Variants in CNTNAP2 observed in about 807,000 individuals in gnomAD.
The protein encoded by CNTNAP2 is contactin-associated protein-like 2.
A neutral mutation model predicts 155.2 loss-of-function variants in CNTNAP2; 98 were observed. That is an observed-to-expected ratio of 0.63 (90% confidence interval 0.54 to 0.75). CNTNAP2 has a LOEUF of 0.75. Among genes scored for constraint, CNTNAP2 ranks in the 30% least tolerant of loss-of-function variants. The pLI is 0.00. For missense variants in CNTNAP2, 1,727 were observed against 1,688.1 expected, an observed-to-expected ratio of 1.02 and a Z score of -0.40; for synonymous variants, 651 against 631.2, an observed-to-expected ratio of 1.03 and a Z score of -0.47.
Position 147,108,128 on chromosome 7 carries a change from A to ATTTTTTTTTTTTTT in CNTNAP2, c.551-8_551-7insTTTTTTTTTTTTTT. The ATTTTTTTTTTTTTT allele has an allele frequency of 2.3e-6, 3 of 1,313,496 alleles. No homozygotes were observed. Among genetic ancestry groups the ATTTTTTTTTTTTTT allele is most frequent in the Non-Finnish European group, 2.1e-6 (2 of 956,758 alleles). The allele number at this position is 1,313,496 out of a possible 1,614,324, so 81.4% of individuals were successfully genotyped here. A position where few individuals can be genotyped will look rare whatever the true frequency, so the allele number is the denominator to read the frequency against. The stretch of plus-strand genomic sequence containing the variant: ...ACATACATGGCTGAACTAATATGTT[A>ATTTTTTTTTTTTTT]TTTTTTTTTTTGTTTTAGGGGCTGA... On this transcript the variant is annotated intron_variant, in intron 4 of 23. Transcript: ENST00000361727.
intron 1 of CNTNAP2, among the ~76,000 whole-genome samples, chr7:146,760,464 G>A (rs1456722634): frequency 3.7e-5 from 4 of 106,856 alleles, no homozygotes; most frequent in African/African-American, 1.5e-4. Context: ...TGGCTCTGTT[G>A]CCCAAGCTGG....
At chr7:147,775,752 C>G (rs1227061928) in intron 13 of CNTNAP2, among the ~76,000 whole-genome samples, 1 of 152,010 alleles carries the variant, frequency 6.6e-6, no homozygotes, top group Non-Finnish European at 1.5e-5. Context: ...TCCCTCTGGA[C>G]TTGGCACTAT....
At chr7:147,687,778 G>T (rs188882342) in intron 13 of CNTNAP2, among the ~76,000 whole-genome samples, 90 of 152,060 alleles carry the variant, frequency 5.9e-4, no homozygotes, top group Admixed American at 1.4e-3. Context: ...GAAGGCAAGG[G>T]GCAGAATCAG....
intron 18 of CNTNAP2, among the ~76,000 whole-genome samples, chr7:148,203,517 G>A (rs1406171059): frequency 6.6e-6 from 1 of 152,178 alleles, no homozygotes; most frequent in African/African-American, 2.4e-5. Context: ...GGCTGAGGTG[G>A]GTGGATCACC....
chr7:147,153,212 C>A (rs1003736545), intron 8 of CNTNAP2, among the ~76,000 whole-genome samples: 2 of 152,038 alleles, frequency 1.3e-5, no homozygotes, highest in South Asian at 4.2e-4. Context: ...CTATAGTAAG[C>A]CTACTGTGTT....
At chr7:148,308,248 A>C (rs911522520) in intron 21 of CNTNAP2, among the ~76,000 whole-genome samples, 3 of 152,112 alleles carry the variant, frequency 2.0e-5, no homozygotes, top group Non-Finnish European at 2.9e-5. Context: ...TATGAATTAT[A>C]TGTCATAGGA....
intron 4 of CNTNAP2, among the ~76,000 whole-genome samples, chr7:147,092,218 G>T (rs960410651): frequency 1.2e-4 from 19 of 152,192 alleles, no homozygotes; most frequent in Admixed American, 4.6e-4. Flanking sequence ...TCCAAGTTCA[G>T]TTCCTTTCCC....
chr7:146,468,744 A>G lies in CNTNAP2; in HGVS notation c.98-305527A>G, dbSNP rs574616725. Among the ~76,000 whole-genome samples, 7 of 152,300 alleles carry G rather than the reference A, an allele frequency of 4.6e-5. No homozygotes were observed. The South Asian group carries it at 1.2e-3, about 27-fold the overall frequency. ...TAAAAAAAGATGGCAAAGCTGATTCACCTGTTGCTTCTACCTTCCTCAGTA... is the reference window on the plus strand; with the variant it reads ...TAAAAAAAGATGGCAAAGCTGATTCGCCTGTTGCTTCTACCTTCCTCAGTA... On this transcript the variant is annotated intron_variant, in intron 1 of 23. Transcript: ENST00000361727.
At chr7:146,296,263 A>C (rs1183988093) in intron 1 of CNTNAP2, among the ~76,000 whole-genome samples, 2 of 152,080 alleles carry the variant, frequency 1.3e-5, no homozygotes, top group African/African-American at 2.4e-5. Context: ...TCCCCATTCC[A>C]TGACCTCACC....
intron 1 of CNTNAP2, among the ~76,000 whole-genome samples, chr7:146,585,142 T>C (rs1463627491): frequency 2.0e-5 from 3 of 151,910 alleles, no homozygotes; most frequent in Non-Finnish European, 4.4e-5. Context: ...TGTTTTGTTT[T>C]TTCGGAGTCC....
chr7:146,761,329 G>GGAAGGAAGGAAA (rs1554477558), intron 1 of CNTNAP2, among the ~76,000 whole-genome samples: 6 of 140,758 alleles, frequency 4.3e-5, no homozygotes, highest in Non-Finnish European at 9.2e-5. Flanking sequence ...AAGGAAGGAA[G>GGAAGGAAGGAAA]GAAGGAAAAT....
In CNTNAP2 at chr7:148,201,550, CA is replaced by C. The variant is rs1162174420; in HGVS notation, c.3011-15734del. Among the ~76,000 whole-genome samples, 5 of 152,126 alleles carry C rather than the reference CA, an allele frequency of 3.3e-5. No homozygotes were observed. The East Asian group carries it at 9.6e-4, about 29-fold the overall frequency. ...TGAATTTATTAAACCAGTTTGTCTT[CA>C]AAAGTTTCCCTTTTTTATAGACATG... On this transcript the variant is annotated intron_variant, in intron 18 of 23. Coordinates refer to ENST00000361727, the MANE Select transcript of CNTNAP2 (RefSeq NM_014141.6).
intron 1 of CNTNAP2, among the ~76,000 whole-genome samples, chr7:146,735,975 C>A (rs759513339): frequency 2.0e-5 from 3 of 152,104 alleles, no homozygotes; most frequent in Non-Finnish European, 4.4e-5. Context: ...CTGATTTGAT[C>A]ATTACCTATT....
chr7:147,130,452 C>G (rs1276670188), intron 7 of CNTNAP2, among the ~76,000 whole-genome samples: 3 of 151,454 alleles, frequency 2.0e-5, no homozygotes, highest in African/African-American at 7.3e-5. Flanking sequence ...ACTCTGTCCC[C>G]CCAAAAATAA....
At chr7:148,317,564 T>C (rs1797713018) in intron 21 of CNTNAP2, among the ~76,000 whole-genome samples, 1 of 152,072 alleles carries the variant, frequency 6.6e-6, no homozygotes, top group Non-Finnish European at 1.5e-5. Flanking sequence ...AAAGGACCAG[T>C]CTTATTAAAG....
rs1803964313 is a variant in CNTNAP2 at position 148,096,227 on chromosome 7, T to C, written c.2384-21891T>C. On this transcript the variant is annotated intron_variant, in intron 15 of 23. Transcript: ENST00000361727. ...TCCACTATGTTATTCCAACCTCATC[T>C]CCTCGTTTGTCAAGATTCTTAAGCT... Among the ~76,000 whole-genome samples, 7 of 152,132 alleles carry C rather than the reference T, an allele frequency of 4.6e-5. No homozygotes were observed. In the South Asian group the frequency reaches 1.5e-3, roughly 32 times the overall value.
chr7:148,123,451 G>C (rs575094490), intron 16 of CNTNAP2, among the ~76,000 whole-genome samples: 1 of 152,206 alleles, frequency 6.6e-6, no homozygotes, highest in African/African-American at 2.4e-5. Context: ...CATTAGCCAG[G>C]CATGGTTGGC....
chr7:146,904,791 T>C (rs1585148450), intron 3 of CNTNAP2, among the ~76,000 whole-genome samples: 2 of 152,268 alleles, frequency 1.3e-5, no homozygotes, highest in African/African-American at 2.4e-5. Context: ...CTTTTGAGCA[T>C]GGGGCTCAGC....
chr7:147,270,658 A>G (rs945457794), intron 8 of CNTNAP2, among the ~76,000 whole-genome samples: 1 of 152,166 alleles, frequency 6.6e-6, no homozygotes, highest in Non-Finnish European at 1.5e-5. Context: ...AAATGACCTC[A>G]TTTGTTACTA....
Sources: allele counts gnomAD v4.1 joint callset (sites outside exome capture counted in the v4.1 genomes callset), GRCh38; gene constraint gnomAD v4.1.1; transcripts MANE v1.5; gene names NCBI Gene and HGNC (gene_info 2026-07-23, HGNC 2026-07-21).